CFDP1: variants seen among roughly 807,000 people sequenced by gnomAD.
CFDP1 encodes heterochromatin-stabilizing protein CFDP1.
CFDP1 carries 31 observed loss-of-function variants against 40.1 expected under a neutral mutation model. The observed-to-expected ratio is 0.77, with a 90% CI of 0.58 to 1.04. CFDP1 has a LOEUF of 1.04. CFDP1 is among the 50% of genes least tolerant of loss of function. The pLI is 0.00. For synonymous variants in CFDP1, 167 were observed against 120.0 expected (o/e 1.39, Z -2.56); for missense variants, 423 against 343.4 (o/e 1.23, Z -1.83).
chr16:75,383,918 G>A (rs2078871964), intron 5 of CFDP1, among the ~76,000 whole-genome samples: 1 of 151,406 alleles, frequency 6.6e-6, no homozygotes, highest in South Asian at 2.1e-4. Context: ...TTAAATGACT[G>A]AAGATTAATT....
rs1450819986 is a variant in CFDP1, at chr16:75,411,781, A to C, written c.530+44T>G. The C allele has an allele frequency of 2.5e-6, 4 of 1,583,016 alleles. No individual in the cohort carries two copies. In the African/African-American group the frequency reaches 5.4e-5, roughly 22 times the overall value. ...TAACACCAGTTAGAGAGAGACGCTC[A>C]TTTTTGAAAATGCTAGTTTCAAAGT... On this transcript the variant is annotated intron_variant, in intron 4 of 6. Transcript: ENST00000283882.
chr16:75,303,888 G>C lies in CFDP1; in HGVS notation c.809+1136C>G, dbSNP rs2078240383. Among the ~76,000 whole-genome samples the C allele has an allele frequency of 1.3e-5, 2 of 152,182 alleles. 1 individual carries two copies. The highest frequency in any genetic ancestry group is 4.1e-4 in the South Asian group (2 of 4,834). On this transcript the variant is annotated intron_variant, in intron 6 of 6. Transcript: ENST00000283882. ...GTGGAGAAGAGCTTACTGGTAAGAA[G>C]CAGAGCTGCCGAGCAGCCAGGGCTC... is the stretch of plus-strand genomic sequence containing the variant.
chr16:75,366,232 C>A (rs190281409), intron 5 of CFDP1, among the ~76,000 whole-genome samples: 1 of 152,260 alleles, frequency 6.6e-6, no homozygotes, highest in East Asian at 1.9e-4. Context: ...ATATACTACA[C>A]AAGAAAACAT....
At chr16:75,384,174 A>C (rs1044952045) in intron 5 of CFDP1, among the ~76,000 whole-genome samples, 1 of 151,940 alleles carries the variant, frequency 6.6e-6, no homozygotes, top group Non-Finnish European at 1.5e-5. Flanking sequence ...CTGGCCAACA[A>C]GGCGAAACCC....
intron 5 of CFDP1, among the ~76,000 whole-genome samples, chr16:75,345,569 C>T (rs372453260): frequency 3.3e-5 from 5 of 152,194 alleles, no homozygotes; most frequent in South Asian, 4.1e-4. Context: ...TGTTTAAGCC[C>T]AGGAGTTCAA....
At chr16:75,310,048 C>T (rs962055438) in intron 5 of CFDP1, among the ~76,000 whole-genome samples, 1 of 152,128 alleles carries the variant, frequency 6.6e-6, no homozygotes, top group East Asian at 1.9e-4. Context: ...AGATTACATC[C>T]CAAATGTTAC....
intron 5 of CFDP1, among the ~76,000 whole-genome samples, chr16:75,385,851 C>T (rs11866148): frequency 0.016 from 2,363 of 152,236 alleles, 59 homozygotes; most frequent in African/African-American, 0.053. Context: ...TGAAGGTCTT[C>T]GTTTCCTTGC....
chr16:75,297,827 C>G (rs2078194786), intron 6 of CFDP1, among the ~76,000 whole-genome samples: 1 of 152,174 alleles, frequency 6.6e-6, no homozygotes, highest in Non-Finnish European at 1.5e-5. Flanking sequence ...TTATCTGCCA[C>G]CAATTTCCCT....
intron 5 of CFDP1, among the ~76,000 whole-genome samples, chr16:75,319,017 C>T (rs1192425394): frequency 2.6e-5 from 4 of 152,136 alleles, no homozygotes; most frequent in Non-Finnish European, 5.9e-5. Flanking sequence ...ACACATTTTG[C>T]AAAATTACTC....
intron 4 of CFDP1, among the ~76,000 whole-genome samples, chr16:75,411,166 C>T (rs774563638): frequency 3.3e-5 from 5 of 151,780 alleles, no homozygotes; most frequent in Non-Finnish European, 7.4e-5. Flanking sequence ...CGCAATGAGC[C>T]GAGATCGCAC....
chr16:75,376,746 T>C (rs1015113614), intron 5 of CFDP1, among the ~76,000 whole-genome samples: 4 of 152,142 alleles, frequency 2.6e-5, no homozygotes, highest in African/African-American at 7.2e-5. Flanking sequence ...AAAACAGGTA[T>C]GGGGCAGAAG....
chr16:75,427,164 A>G (rs986159444), intron 1 of CFDP1, among the ~76,000 whole-genome samples: 1 of 152,346 alleles, frequency 6.6e-6, no homozygotes, highest in East Asian at 1.9e-4. Context: ...AAGACACACC[A>G]AAGAAGATAA....
chr16:75,346,952 T>C (rs940632458), intron 5 of CFDP1, among the ~76,000 whole-genome samples: 3 of 152,092 alleles, frequency 2.0e-5, no homozygotes, highest in Non-Finnish European at 1.5e-5. Context: ...CAGCAAGTAG[T>C]TGGTGTCACA....
At chr16:75,423,838 T>C (rs2079306139) in intron 1 of CFDP1, among the ~76,000 whole-genome samples, 1 of 152,148 alleles carries the variant, frequency 6.6e-6, no homozygotes, top group Admixed American at 6.5e-5. Context: ...GTGCTGGGAT[T>C]ACAGGCGTGA....
intron 5 of CFDP1, among the ~76,000 whole-genome samples, chr16:75,373,457 T>C (rs2078768306): frequency 1.3e-5 from 2 of 152,136 alleles, no homozygotes; most frequent in Admixed American, 6.6e-5. Flanking sequence ...AACTTTCACA[T>C]GGTGGGTAAT....
rs370150061 is a variant in CFDP1 at position 75,411,151 on chromosome 16, G to C, written c.530+674C>G. On this transcript the variant is annotated intron_variant, in intron 4 of 6. Coordinates refer to ENST00000283882, the MANE Select transcript of CFDP1 (RefSeq NM_006324.3). ...GAGAATCACTTGAACCTGGGAGGTG[G>C]AGGTCGCAATGAGCCGAGATCGCAC... Among the ~76,000 whole-genome samples, 624 of 152,144 alleles carry C rather than the reference G, an allele frequency of 4.1e-3. 5 individuals are homozygous for C. Among genetic ancestry groups the C allele is most frequent in the African/African-American group, 0.013 (559 of 41,518 alleles).
chr16:75,408,961 G>A (rs939695641), intron 4 of CFDP1, among the ~76,000 whole-genome samples: 1 of 151,708 alleles, frequency 6.6e-6, no homozygotes, highest in African/African-American at 2.4e-5. Flanking sequence ...GGATTCAAGT[G>A]ATTCTCCTGC....
rs182596562 is a variant in CFDP1, at chr16:75,399,813, T to A, written c.531-4604A>T. 3.2e-3 allele frequency among the ~76,000 whole-genome samples: 484 copies of A among 152,162 alleles called. 4 individuals are homozygous for A. The highest frequency in any genetic ancestry group is 0.011 in the African/African-American group (457 of 41,548). On this transcript the variant is annotated intron_variant, in intron 4 of 6. Coordinates refer to ENST00000283882, the MANE Select transcript of CFDP1 (RefSeq NM_006324.3). ...GACCCTAACTCTACAAAAAATTTTT[T>A]AAAATCGGCTGGGCGTGGTGGCTCA...
chr16:75,337,811 G>C (rs935454806), intron 5 of CFDP1, among the ~76,000 whole-genome samples: 6 of 152,144 alleles, frequency 3.9e-5, no homozygotes, highest in Non-Finnish European at 7.4e-5. Flanking sequence ...TCCAATGCTG[G>C]GGATTATAAT....
Sources: allele counts gnomAD v4.1 joint callset (sites outside exome capture counted in the v4.1 genomes callset), GRCh38; gene constraint gnomAD v4.1.1; transcripts MANE v1.5; gene names NCBI Gene and HGNC (gene_info 2026-07-23, HGNC 2026-07-21).